Variants in RAB40A observed in about 807,000 individuals in gnomAD.
RAB40A encodes the protein RAB40A, member RAS oncogene family.
For synonymous variants in RAB40A, 65 were observed against 99.9 expected, an observed-to-expected ratio of 0.65 and a Z score of 2.08; for missense variants, 145 against 230.2, an observed-to-expected ratio of 0.63 and a Z score of 2.40.
chrX:103,505,550 T>C (rs769391971), intron 2 of RAB40A, among the ~76,000 whole-genome samples: 2 of 111,943 alleles, frequency 1.8e-5, no homozygotes, highest in Non-Finnish European at 3.8e-5. Flanking sequence ...TAATTTGCAT[T>C]GTCCTAAAAA....
intron 2 of RAB40A, chrX:103,502,254 A>G (rs1441957292): frequency 8.1e-6 from 1 of 123,326 alleles, no homozygotes. Flanking sequence ...TAGAGAAAAA[A>G]AAAACCTTTA....
intron 2 of RAB40A, among the ~76,000 whole-genome samples, chrX:103,511,698 G>C (rs372869193): frequency 6.4e-5 from 7 of 109,910 alleles, no homozygotes; most frequent in Non-Finnish European, 1.1e-4. Flanking sequence ...GGCCTGTTAG[G>C]GGGTGGGGGC....
chrX:103,507,159 G>C (rs1320046628), intron 2 of RAB40A, among the ~76,000 whole-genome samples: 1 of 109,942 alleles, frequency 9.1e-6, no homozygotes, highest in Admixed American at 9.7e-5. Context: ...TCCTGTGTTA[G>C]TTTGCTGAGG....
chrX:103,509,881 C>T (rs2073279566), intron 2 of RAB40A, among the ~76,000 whole-genome samples: 1 of 108,471 alleles, frequency 9.2e-6, no homozygotes, highest in Non-Finnish European at 1.9e-5. Context: ...TCTCGGCTCA[C>T]TGCAACTTCC....
At chrX:103,508,690 G>A (rs1347850433) in intron 2 of RAB40A, among the ~76,000 whole-genome samples, 1 of 112,032 alleles carries the variant, frequency 8.9e-6, no homozygotes, top group African/African-American at 3.2e-5. Flanking sequence ...ATTCTTTAGT[G>A]TTTCATAATT....
At position 103,508,655 on chromosome X, in the gene RAB40A, G is replaced by A. The variant is rs181214379; in HGVS notation, c.-70-7829C>T. 1.0e-3 allele frequency among the ~76,000 whole-genome samples: 113 copies of A among 112,007 alleles called. 1 individual carries two copies. The highest frequency in any genetic ancestry group is 3.5e-3 in the African/African-American group (108 of 30,852). Reference sequence around the variant, plus strand: ...CTCTCTCATATGCCTTCAGTTCAAAGTTTTAGAAACAGAATGTTCTCTACA... The same window carrying A: ...CTCTCTCATATGCCTTCAGTTCAAAATTTTAGAAACAGAATGTTCTCTACA... On this transcript the variant is annotated intron_variant, in intron 2 of 2. Transcript: ENST00000304236.
intron 2 of RAB40A, among the ~76,000 whole-genome samples, chrX:103,507,507 C>T (rs780462348): frequency 1.8e-5 from 2 of 110,329 alleles, no homozygotes; most frequent in African/African-American, 6.7e-5. Flanking sequence ...AAAACACCTG[C>T]GGAGTAGATA....
intron 2 of RAB40A, among the ~76,000 whole-genome samples, chrX:103,513,789 G>C (rs1321936091): frequency 9.1e-6 from 1 of 110,147 alleles, no homozygotes; most frequent in African/African-American, 3.3e-5. Flanking sequence ...AGAAACACTT[G>C]AGCCCAGGAG....
chrX:103,497,359 GGATGGATGGATGGATGGACA>G (rs993691302), downstream of RAB40A, among the ~76,000 whole-genome samples: 4 of 111,062 alleles, frequency 3.6e-5, no homozygotes, highest in Non-Finnish European at 7.6e-5. Flanking sequence ...ATGGATGGAT[GGATGGATGGATGGATGGACA>G]GATGGATGGA....
intron 2 of RAB40A, among the ~76,000 whole-genome samples, chrX:103,516,798 ATTATATGTACAGTAT>A (rs1569378065): frequency 8.9e-6 from 1 of 111,910 alleles, no homozygotes; most frequent in Admixed American, 9.5e-5. Flanking sequence ...AGCTGTTATA[ATTATATGTACAGTAT>A]AGCATCCTGG....
Position 103,500,515 on chromosome X carries a change from C to T in RAB40A, c.242G>A (p.Arg81His). 8.3e-7 allele frequency: 1 copy of T among 1,211,063 alleles called. No homozygotes were observed. Among genetic ancestry groups the T allele is most frequent in the Non-Finnish European group, 1.1e-6 (1 of 895,175 alleles). ...SGQGRFCTIF[R>H]SYSRGAQGVI... Reference sequence around the variant, plus strand: ...TCCTTGTGCACCACGAGAGTAGGAGCGGAATATGGTACAAAATCTTCCCTG... The same window carrying T: ...TCCTTGTGCACCACGAGAGTAGGAGTGGAATATGGTACAAAATCTTCCCTG... Residue 81 changes from arginine (R) to histidine (H), a missense_variant, in exon 3 of 3, where the codon CGC (arginine) becomes CAC (histidine). Transcript: ENST00000304236.
chrX:103,501,985 A>G (rs749104964), intron 2 of RAB40A: 1 of 123,505 alleles, frequency 8.1e-6, no homozygotes, highest in Non-Finnish European at 1.9e-5. Context: ...ATGGTTAAAG[A>G]AATGAGAATG....
chrX:103,509,289 ATCTCTC>A (rs373450734), intron 2 of RAB40A, among the ~76,000 whole-genome samples: 12 of 86,105 alleles, frequency 1.4e-4, no homozygotes, highest in Non-Finnish European at 1.9e-4. Flanking sequence ...CAGCCACAGG[ATCTCTC>A]TCTCTCTCTC....
At chrX:103,511,132 G>A (rs765780630) in intron 2 of RAB40A, among the ~76,000 whole-genome samples, 67 of 111,282 alleles carry the variant, frequency 6.0e-4, no homozygotes, top group African/African-American at 2.0e-3. Flanking sequence ...GAACCAACCC[G>A]AATGCCCATC....
chrX:103,497,729 T>C (rs1397399968), downstream of RAB40A: 5 of 111,526 alleles, frequency 4.5e-5, no homozygotes, highest in Admixed American at 2.9e-4. Flanking sequence ...TTCTCTAATA[T>C]TGAATTCAAC....
downstream of RAB40A, among the ~76,000 whole-genome samples, chrX:103,496,222 C>A: frequency 8.9e-6 from 1 of 112,286 alleles, no homozygotes; most frequent in Middle Eastern, 4.2e-3. Flanking sequence ...GGGTTAGCCA[C>A]ATATATTGTT....
At chrX:103,495,311 A>G (rs2073160839), downstream of RAB40A, among the ~76,000 whole-genome samples, 1 of 111,586 alleles carries the variant, frequency 9.0e-6, no homozygotes, top group Non-Finnish European at 1.9e-5. Flanking sequence ...TCGTTTTTTG[A>G]TGGAGTCTAG....
In RAB40A at chrX:103,499,719, T is replaced by G. The variant is rs2073210641; in HGVS notation, c.*204A>C. The G allele has an allele frequency of 4.1e-6, 2 of 483,727 alleles. No individual in the cohort carries two copies. Among genetic ancestry groups the G allele is most frequent in the Admixed American group, 3.8e-5 (1 of 26,650 alleles). The allele number at this position is 483,727 out of a possible 1,213,427, so 39.9% of individuals were successfully genotyped here. A position where few individuals can be genotyped will look rare whatever the true frequency, so the allele number is the denominator to read the frequency against. On this transcript the variant is annotated 3_prime_UTR_variant, in exon 3 of 3. Transcript: ENST00000304236. The stretch of plus-strand genomic sequence containing the variant: ...TAAACACACGTTTAAAACAAGAGCT[T>G]CATGCACATCCAAATAGAAATTCAA...
intron 2 of RAB40A, chrX:103,502,726 G>A (rs1479477427): frequency 9.6e-5 from 73 of 763,201 alleles, no homozygotes; most frequent in Non-Finnish European, 1.1e-4. Context: ...GGGAGGGTGA[G>A]GGATGAAACC....
Sources: allele counts gnomAD v4.1 joint callset (sites outside exome capture counted in the v4.1 genomes callset), GRCh38; gene constraint gnomAD v4.1.1; transcripts MANE v1.5; gene names NCBI Gene and HGNC (gene_info 2026-07-23, HGNC 2026-07-21).